ATG2B: variants seen among roughly 807,000 people sequenced by gnomAD.
ATG2B encodes autophagy-related protein 2 homolog B.
In ATG2B, 121 loss-of-function variants were observed where a neutral mutation model predicts 241.3. The ratio of observed to expected loss-of-function variants is 0.50; its 90% CI spans 0.43 to 0.58. The LOEUF (loss-of-function observed/expected upper bound fraction) is 0.58, where lower values mean the gene tolerates loss of function less well. Among genes scored for constraint, ATG2B ranks in the 20% least tolerant of loss-of-function variants. The probability of loss-of-function intolerance (pLI) is 0.00; values close to 1 mark genes in which losing one functional copy is unlikely to be tolerated. For synonymous variants in ATG2B, 858 were observed against 876.6 expected (o/e 0.98, Z 0.37); for missense variants, 2,306 against 2,491.6 (o/e 0.93, Z 1.59).
At position 96,290,582 on chromosome 14, in the gene ATG2B, G is replaced by C; in HGVS notation, c.5710C>G (p.Leu1904Val). Residue 1904 changes from leucine to valine, a missense_variant, in exon 40 of 42, where the codon CTA becomes GTA. This residue lies in a region of ATG2B where 379 missense variants were observed against 480.4 expected (regional missense o/e 0.79). Coordinates refer to ENST00000359933, the MANE Select transcript of ATG2B (RefSeq NM_018036.7). This position sits in a 1 kb window ranked among gnomAD's most constrained non-coding sequence, Gnocchi z 4.4. ...ATTGGGAGCCAGACCAAGTCCTTTAGGCCTTGTACTACAACAGTCAACACA... is the reference window on the plus strand; with the variant it reads ...ATTGGGAGCCAGACCAAGTCCTTTACGCCTTGTACTACAACAGTCAACACA... The part of the protein sequence containing the change: ...MHSLVQLVQG[L>V]KDLVWLPIEQ... 1 of 1,614,088 alleles carries C rather than the reference G, an allele frequency of 6.2e-7. No individual in the cohort carries two copies. Among genetic ancestry groups the C allele is most frequent in the Non-Finnish European group, 8.5e-7 (1 of 1,180,004 alleles).
chr14:96,330,001 T>G (rs2139878984), intron 11 of ATG2B, among the ~76,000 whole-genome samples: 1 of 152,136 alleles, frequency 6.6e-6, no homozygotes, highest in Non-Finnish European at 1.5e-5. Context: ...TTTCTGCCGC[T>G]TTTGTTCTAT....
intron 24 of ATG2B, 69 bp downstream of exon 24, chr14:96,313,255 CTGAAT>C (rs2139860867): frequency 2.4e-5 from 33 of 1,370,724 alleles, no homozygotes; most frequent in Non-Finnish European, 3.3e-5. Context: ...CTTAACTCTA[CTGAAT>C]TATGTATTTT....
rs1447657085 is a variant in ATG2B at position 96,332,727 on chromosome 14, C to T, written c.1208-72G>A. 8 of 1,225,460 alleles carry T rather than the reference C, an allele frequency of 6.5e-6. No homozygotes were observed. In the South Asian group the frequency reaches 8.7e-5, roughly 13 times the overall value. The allele number at this position is 1,225,460 out of a possible 1,614,324, so 75.9% of individuals were successfully genotyped here. ...CAAGTCTTTTAAGTAAGTTAATATACGTTAATACAATCCTCTTCCTTCAGA... is the reference window on the plus strand; with the variant it reads ...CAAGTCTTTTAAGTAAGTTAATATATGTTAATACAATCCTCTTCCTTCAGA... On this transcript the variant is annotated intron_variant, in intron 8 of 41. Transcript: ENST00000359933.
chr14:96,314,056 T>C (rs893653470), intron 23 of ATG2B, among the ~76,000 whole-genome samples: 3 of 152,190 alleles, frequency 2.0e-5, no homozygotes, highest in Non-Finnish European at 4.4e-5. Context: ...TATTCTTTCA[T>C]ATTTCTAATC....
intron 17 of ATG2B, 84 bp downstream of exon 17, chr14:96,322,456 T>A: frequency 3.5e-6 from 5 of 1,432,220 alleles, no homozygotes; most frequent in South Asian, 2.9e-5. Context: ...CACAAGGCAT[T>A]TTTTTAAAAA....
At chr14:96,301,402 A>G (rs1886786806) in intron 34 of ATG2B, among the ~76,000 whole-genome samples, 1 of 152,106 alleles carries the variant, frequency 6.6e-6, no homozygotes, top group Non-Finnish European at 1.5e-5. Context: ...TGCGCATCCT[A>G]TTTTCATACA....
In ATG2B at chr14:96,322,567, A is replaced by G; in HGVS notation, c.2709T>C (p.Ser903=). 6.2e-7 allele frequency: 1 copy of G among 1,612,482 alleles called. No homozygotes were observed. The highest frequency in any genetic ancestry group is 8.5e-7 in the Non-Finnish European group (1 of 1,179,590). Residue 903 remains serine (S), a synonymous_variant, in exon 17 of 42, where the codon TCT becomes TCC. Coordinates refer to ENST00000359933, the MANE Select transcript of ATG2B (RefSeq NM_018036.7). The part of the protein sequence containing the change: ...LRRPAPSPFS[S]RRVMFENEQM... ...GTTCATTTTCAAACATTACTCTACG[A>G]GAAGAAAAAGGAGATGGGGCTGGTC...
chr14:96,312,557 C>T (rs1221257723), intron 25 of ATG2B, among the ~76,000 whole-genome samples: 2 of 152,092 alleles, frequency 1.3e-5, no homozygotes, highest in Admixed American at 6.6e-5. Flanking sequence ...GCCTGGGCAA[C>T]ACAGCAAGAC....
At chr14:96,328,825 C>A in intron 12 of ATG2B, 59 bp from the exon 13 acceptor site, 14 of 1,299,912 alleles carry the variant, frequency 1.1e-5, no homozygotes, top group Non-Finnish European at 1.3e-5. Flanking sequence ...TACAGAGGTG[C>A]CCATACAATA....
At chr14:96,287,763 T>C (rs1345261769) in intron 41 of ATG2B, among the ~76,000 whole-genome samples, 1 of 152,234 alleles carries the variant, frequency 6.6e-6, no homozygotes, top group Non-Finnish European at 1.5e-5. Context: ...AGAAGGTATT[T>C]GTGGGCCATG....
intron 4 of ATG2B, 113 bp from the exon 5 acceptor site, chr14:96,343,394 C>A (rs981022328): frequency 8.4e-6 from 3 of 356,294 alleles, no homozygotes; most frequent in Non-Finnish European, 1.4e-5. Context: ...TACCCTAAAA[C>A]TTAAAGTATA....
intron 34 of ATG2B, among the ~76,000 whole-genome samples, chr14:96,296,687 G>A (rs1323553202): frequency 1.3e-5 from 2 of 151,690 alleles, no homozygotes; most frequent in Non-Finnish European, 2.9e-5. Context: ...CTTGAACCTG[G>A]GAGGCGGAGG....
At position 96,285,684 on chromosome 14, in the gene ATG2B, C is replaced by T. The variant is rs1352480869; in HGVS notation, c.*71G>A. 1.4e-6 allele frequency: 2 copies of T among 1,396,706 alleles called. No individual in the cohort carries two copies. The highest frequency in any genetic ancestry group is 2.0e-6 in the Non-Finnish European group (2 of 994,304). 86.5% of individuals were successfully genotyped at this position (1,396,706 alleles called of 1,614,324 possible). ...CACAATAAAATTAAACGAGCTTCCTCTGAAGCTGCTGTCAGGACTCTGAGC... is the reference window on the plus strand; with the variant it reads ...CACAATAAAATTAAACGAGCTTCCTTTGAAGCTGCTGTCAGGACTCTGAGC... On this transcript the variant is annotated 3_prime_UTR_variant, in exon 42 of 42. Coordinates refer to ENST00000359933, the MANE Select transcript of ATG2B (RefSeq NM_018036.7). The surrounding 1 kb of genome is among the most constrained non-coding windows in gnomAD (Gnocchi z 4.2).
intron 1 of ATG2B, among the ~76,000 whole-genome samples, chr14:96,350,203 CGAG>C (rs1367319199): frequency 6.6e-6 from 1 of 152,162 alleles, no homozygotes; most frequent in East Asian, 1.9e-4. Context: ...AGCCACAGCA[CGAG>C]GAGAGAAATG....
chr14:96,295,164 T>G lies in ATG2B; in HGVS notation c.5222A>C (p.Lys1741Thr), dbSNP rs948000096. Residue 1741 changes from lysine to threonine, a missense_variant, in exon 36 of 42, where the codon AAA (lysine) becomes ACA (threonine). Lys to Thr is a moderately conservative substitution (Grantham distance 78). This residue lies in a region of ATG2B where 379 missense variants were observed against 480.4 expected (regional missense o/e 0.79). Coordinates refer to ENST00000359933, the MANE Select transcript of ATG2B (RefSeq NM_018036.7). ...ELQMTPDPEVKKSPGADVTCS... is the reference protein window; with the variant it reads ...ELQMTPDPEVTKSPGADVTCS... The stretch of plus-strand genomic sequence containing the variant: ...GGTGACATCAGCTCCAGGAGACTTT[T>G]TAACTGAAAATGTAATGTGCATGTT... 31 of 1,613,664 alleles carry G rather than the reference T, an allele frequency of 1.9e-5. No homozygotes were observed. The highest frequency in any genetic ancestry group is 2.6e-5 in the Non-Finnish European group (31 of 1,179,762).
In ATG2B at chr14:96,317,320, A is replaced by G. The variant is rs1192592125; in HGVS notation, c.3038-3T>C. 3 of 1,605,174 alleles carry G rather than the reference A, an allele frequency of 1.9e-6. No individual in the cohort carries two copies. Among genetic ancestry groups the G allele is most frequent in the African/African-American group, 1.3e-5 (1 of 74,318 alleles). ...CTCCTCAGATCCACTTTCCTCATCT[A>G]TGAGAAATAAACATACAATTACATT... On this transcript the variant is annotated splice_polypyrimidine_tract_variant and splice_region_variant and intron_variant, in intron 19 of 41. Coordinates refer to ENST00000359933, the MANE Select transcript of ATG2B (RefSeq NM_018036.7).
In ATG2B at chr14:96,315,168, T is replaced by G. The variant is rs772801291; in HGVS notation, c.3628A>C (p.Ser1210Arg). ...LQHRMLPSGL[S>R]WHEQILYFLN... is the part of the protein sequence containing the mutation. ...AGCTCTCTTACCTGCTCATGCCAGC[T>G]AAGCCCAGAAGGAAGCATTCTATGC... Residue 1210 changes from serine (S) to arginine (R), a missense_variant, in exon 23 of 42, where the codon AGC becomes CGC. By Grantham distance (110) the Ser-to-Arg change is moderately radical. Transcript: ENST00000359933. 1 of 1,614,072 alleles carries G rather than the reference T, an allele frequency of 6.2e-7. No homozygotes were observed. The highest frequency in any genetic ancestry group is 1.1e-5 in the South Asian group (1 of 91,076).
chr14:96,343,265 C>T lies in ATG2B; in HGVS notation c.598G>A (p.Glu200Lys), dbSNP rs1218953772. The T allele has an allele frequency of 6.2e-7, 1 of 1,604,698 alleles. No individual in the cohort carries two copies. The highest frequency in any genetic ancestry group is 8.5e-7 in the Non-Finnish European group (1 of 1,176,536). The change falls in exon 5 of 42, where the codon GAA becomes AAA. Residue 200 changes from glutamate (E) to lysine (K), a missense_variant. Physicochemically the swap from Glu to Lys is moderately conservative, Grantham distance 56. Around this residue, in one of 2 missense-constraint regions of ATG2B, gnomAD observed 1,927 missense variants for 2,011.2 expected, o/e 0.96. Coordinates refer to ENST00000359933, the MANE Select transcript of ATG2B (RefSeq NM_018036.7). ...ATTCCTGAGGATTCGTCAGCAGTTT[C>T]ATCACAGTACACAGTTCTGAAATTT... ...IRIERTVYCD[E>K]TADESSGINV...
chr14:96,342,460 G>A (rs975804970), intron 5 of ATG2B, among the ~76,000 whole-genome samples: 3 of 152,092 alleles, frequency 2.0e-5, no homozygotes, highest in South Asian at 2.1e-4. Context: ...GGTGGCTCAC[G>A]CCTGTAATCT....
Sources: gnomAD v4.1 joint callset for allele counts (sites outside exome capture counted in the v4.1 genomes callset) on GRCh38, gnomAD v4.1.1 for gene constraint, gnomAD v4.1.1 regional missense constraint, Gnocchi (gnomAD v3.1) non-coding constraint, MANE v1.5 for transcripts, NCBI Gene and HGNC (gene_info 2026-07-23, HGNC 2026-07-21) for gene names.